VWC2: variants seen among roughly 807,000 people sequenced by gnomAD.
The protein encoded by VWC2 is brorin.
In VWC2, 14 loss-of-function variants were observed where a neutral mutation model predicts 29.8. The ratio of observed to expected loss-of-function variants is 0.47; its 90% CI spans 0.31 to 0.74. The LOEUF is 0.74. VWC2 is among the 30% of genes least tolerant of loss of function. The pLI is 0.05. For missense variants in VWC2, 457 were observed against 459.8 expected (o/e 0.99, Z 0.05); for synonymous variants, 213 against 199.0 (o/e 1.07, Z -0.59).
At chr7:49,906,395 C>T (rs546800405) in intron 3 of VWC2, among the ~76,000 whole-genome samples, 7 of 152,004 alleles carry the variant, frequency 4.6e-5, no homozygotes, top group South Asian at 2.1e-4. Flanking sequence ...AGTGCAGTGG[C>T]GGCGACCTCA....
At chr7:49,794,220 G>A (rs557417169) in intron 2 of VWC2, among the ~76,000 whole-genome samples, 1 of 152,096 alleles carries the variant, frequency 6.6e-6, no homozygotes, top group Non-Finnish European at 1.5e-5. Context: ...CCTTCTCTTG[G>A]CCAAGACCTG....
chr7:49,908,452 A>G (rs1189808828), intron 3 of VWC2, among the ~76,000 whole-genome samples: 1 of 152,232 alleles, frequency 6.6e-6, no homozygotes, highest in Non-Finnish European at 1.5e-5. Flanking sequence ...AAATAAGTAA[A>G]TATGTTAAAA....
intron 3 of VWC2, among the ~76,000 whole-genome samples, chr7:49,828,252 T>TA (rs1166872695): frequency 1.3e-5 from 2 of 152,330 alleles, no homozygotes; most frequent in East Asian, 3.9e-4. Context: ...CCACAATTTG[T>TA]AAGTGCATTC....
At chr7:49,827,625 C>T (rs892149764) in intron 3 of VWC2, among the ~76,000 whole-genome samples, 6 of 151,878 alleles carry the variant, frequency 4.0e-5, no homozygotes, top group Non-Finnish European at 7.4e-5. Context: ...CCATTATTTT[C>T]TACCATTCTT....
At chr7:49,853,436 G>C (rs1234567035) in intron 3 of VWC2, among the ~76,000 whole-genome samples, 1 of 152,122 alleles carries the variant, frequency 6.6e-6, no homozygotes, top group Non-Finnish European at 1.5e-5. Context: ...AGCTCTGCTG[G>C]GCATCGGGGC....
At chr7:49,775,286 G>A in intron 1 of VWC2, 47 bp from the exon 2 acceptor site, 1 of 410,258 alleles carries the variant, frequency 2.4e-6, no homozygotes, top group Non-Finnish European at 3.9e-6. Flanking sequence ...GCGGGCCGGG[G>A]CGCGCGCGGG....
chr7:49,913,427 A>C lies in VWC2; in HGVS notation c.*1242A>C, dbSNP rs1220800158. The C allele has an allele frequency of 6.6e-6, 1 of 152,204 alleles. No homozygotes were observed. Among genetic ancestry groups the C allele is most frequent in the African/African-American group, 2.4e-5 (1 of 41,458 alleles). The allele number at this position is 152,204 out of a possible 1,614,324, so 9.4% of individuals were successfully genotyped here. On this transcript the variant is annotated 3_prime_UTR_variant, in exon 4 of 4. Coordinates refer to ENST00000340652, the MANE Select transcript of VWC2 (RefSeq NM_198570.5). Reference sequence around the variant, plus strand: ...CATATCAGCATGCGGTGTGTTGATGAAAGAGGTAATTGGAGTCTTAATAGG... The same window carrying C: ...CATATCAGCATGCGGTGTGTTGATGCAAGAGGTAATTGGAGTCTTAATAGG...
intron 3 of VWC2, among the ~76,000 whole-genome samples, chr7:49,829,638 T>G (rs1213083540): frequency 6.6e-6 from 1 of 152,226 alleles, no homozygotes; most frequent in Non-Finnish European, 1.5e-5. Context: ...CTTTGAAGTT[T>G]GTGATCCCAT....
At chr7:49,838,054 G>A (rs1789704791) in intron 3 of VWC2, among the ~76,000 whole-genome samples, 1 of 152,228 alleles carries the variant, frequency 6.6e-6, no homozygotes, top group Non-Finnish European at 1.5e-5. Flanking sequence ...CAGTCCAGAT[G>A]TGCAAGTCCC....
chr7:49,795,322 CAGAG>C (rs1199021701), intron 2 of VWC2, among the ~76,000 whole-genome samples: 1 of 152,142 alleles, frequency 6.6e-6, no homozygotes, highest in Non-Finnish European at 1.5e-5. Flanking sequence ...AAGACATTGA[CAGAG>C]GGAGTAGAGC....
chr7:49,789,027 CGT>C (rs1393441403), intron 2 of VWC2, among the ~76,000 whole-genome samples: 1 of 121,424 alleles, frequency 8.2e-6, no homozygotes, highest in African/African-American at 3.3e-5. Context: ...TCAGTGTGAG[CGT>C]GTGGGTGCAT....
At chr7:49,874,599 G>A (rs79495230) in intron 3 of VWC2, among the ~76,000 whole-genome samples, 4,744 of 152,276 alleles carry the variant, frequency 0.031, 97 homozygotes, top group Middle Eastern at 0.061. Context: ...GAGAGAAAGA[G>A]AGAAATATAG....
At chr7:49,886,965 G>A (rs762736983) in intron 3 of VWC2, among the ~76,000 whole-genome samples, 12 of 151,208 alleles carry the variant, frequency 7.9e-5, no homozygotes, top group Non-Finnish European at 1.5e-5. Context: ...GACTTGTCTT[G>A]TTTGCCTTTA....
intron 3 of VWC2, among the ~76,000 whole-genome samples, chr7:49,809,876 T>G (rs1041335592): frequency 3.1e-4 from 47 of 151,984 alleles, no homozygotes; most frequent in African/African-American, 1.1e-3. Flanking sequence ...CTTTCTCAAT[T>G]TGATAAAGAG....
intron 3 of VWC2, among the ~76,000 whole-genome samples, chr7:49,803,975 G>A (rs1788809293): frequency 6.6e-6 from 1 of 152,136 alleles, no homozygotes. Flanking sequence ...ACTGTGTTAG[G>A]AATGTCATAA....
intron 2 of VWC2, among the ~76,000 whole-genome samples, chr7:49,777,392 A>G (rs1788075879): frequency 6.6e-6 from 1 of 152,256 alleles, no homozygotes; most frequent in African/African-American, 2.4e-5. Context: ...GGACAGATCT[A>G]TATATAGTGT....
chr7:49,843,437 T>A (rs1444375168), intron 3 of VWC2, among the ~76,000 whole-genome samples: 2 of 152,186 alleles, frequency 1.3e-5, no homozygotes, highest in Admixed American at 6.5e-5. Context: ...TGTGCCAATT[T>A]CTTATTCAAG....
chr7:49,895,693 T>C (rs1792353005), intron 3 of VWC2, among the ~76,000 whole-genome samples: 1 of 151,168 alleles, frequency 6.6e-6, no homozygotes, highest in Admixed American at 6.6e-5. Flanking sequence ...ATAGTCTCTC[T>C]GAGTCTCATT....
rs1793594068 is a variant in VWC2, at chr7:49,913,997, G to A, written c.*1812G>A. The A allele has an allele frequency of 6.6e-6, 1 of 152,146 alleles. No homozygotes were observed. Among genetic ancestry groups the A allele is most frequent in the Non-Finnish European group, 1.5e-5 (1 of 68,018 alleles). 9.4% of individuals were successfully genotyped at this position (152,146 alleles called of 1,614,324 possible). A position where few individuals can be genotyped will look rare whatever the true frequency, so the allele number is the denominator to read the frequency against. ...ATAGATTTCATGAAAATACTCAGGGGAATTATTAGCTAATTGTTCTCAGGT... is the reference window on the plus strand; with the variant it reads ...ATAGATTTCATGAAAATACTCAGGGAAATTATTAGCTAATTGTTCTCAGGT... On this transcript the variant is annotated 3_prime_UTR_variant, in exon 4 of 4. Coordinates refer to ENST00000340652, the MANE Select transcript of VWC2 (RefSeq NM_198570.5).
Sources: gnomAD v4.1 joint callset for allele counts (sites outside exome capture counted in the v4.1 genomes callset) on GRCh38, gnomAD v4.1.1 for gene constraint, MANE v1.5 for transcripts, NCBI Gene and HGNC (gene_info 2026-07-23, HGNC 2026-07-21) for gene names.